The following PLEKHA8 variants were observed in gnomAD, a reference collection of about 807,000 sequenced individuals.
PLEKHA8 encodes pleckstrin homology domain-containing family A member 8.
A neutral mutation model predicts 68.2 loss-of-function variants in PLEKHA8; 36 were observed. The observed-to-expected ratio is 0.53, with a 90% CI of 0.40 to 0.70. The LOEUF (loss-of-function observed/expected upper bound fraction) is 0.70. Among genes scored for constraint, PLEKHA8 ranks in the 30% least tolerant of loss-of-function variants. The pLI, the probability that PLEKHA8 is intolerant of heterozygous loss-of-function variation, is 0.00. For synonymous variants in PLEKHA8, 211 were observed against 216.1 expected (o/e 0.98, Z 0.20); for missense variants, 505 against 615.4 (o/e 0.82, Z 1.90).
intron 13 of PLEKHA8, among the ~76,000 whole-genome samples, chr7:30,115,650 A>G (rs1220282659): frequency 1.3e-5 from 2 of 151,936 alleles, no homozygotes; most frequent in Non-Finnish European, 2.9e-5. Flanking sequence ...GCACACATGT[A>G]CACATACATG....
At chr7:30,058,147 A>G (rs564542486) in intron 9 of PLEKHA8, among the ~76,000 whole-genome samples, 1 of 151,994 alleles carries the variant, frequency 6.6e-6, no homozygotes, top group East Asian at 1.9e-4. Context: ...TTAAAAGTTA[A>G]TTGTTTTTCT....
intron 1 of PLEKHA8, among the ~76,000 whole-genome samples, chr7:30,043,006 T>TTTTGTTTGTTTGTTTGTTTGTTTG (rs139576666): frequency 7.9e-5 from 12 of 151,880 alleles, no homozygotes; most frequent in Non-Finnish European, 1.2e-4. Context: ...GCATCACCTT[T>TTTTGTTTGTTTGTTTGTTTGTTTG]TTTGTTTGTT....
chr7:30,028,695 C>T lies in PLEKHA8; in HGVS notation c.-68C>T, dbSNP rs1390550024. ...CCAGGCGATGGCCCTGCTGCTGGTG[C>T]TCCTCGCCTCTTGGGGCCTGGGGCA... is the stretch of plus-strand genomic sequence containing the variant. On this transcript the variant is annotated 5_prime_UTR_variant, in exon 1 of 14. Coordinates refer to ENST00000449726, the MANE Select transcript of PLEKHA8 (RefSeq NM_001197026.2). The T allele has an allele frequency of 6.0e-6, 7 of 1,159,226 alleles. No homozygotes were observed. The highest frequency in any genetic ancestry group is 1.6e-5 in the African/African-American group (1 of 62,792). The allele number at this position is 1,159,226 out of a possible 1,614,324, so 71.8% of individuals were successfully genotyped here.
intron 13 of PLEKHA8, among the ~76,000 whole-genome samples, chr7:30,119,711 C>T (rs1796664386): frequency 6.6e-6 from 1 of 152,168 alleles, no homozygotes; most frequent in African/African-American, 2.4e-5. Flanking sequence ...AAAACAGCCG[C>T]TTATACCTGT....
intron 12 of PLEKHA8, among the ~76,000 whole-genome samples, chr7:30,067,543 A>G (rs1221366199): frequency 2.6e-5 from 4 of 152,352 alleles, no homozygotes; most frequent in Admixed American, 2.6e-4. Context: ...AAAATAGTTC[A>G]ATACAGTTAA....
In PLEKHA8 at chr7:30,042,772, A is replaced by G. The variant is rs570569011; in HGVS notation, c.41-2313A>G. 1.1e-4 allele frequency among the ~76,000 whole-genome samples: 16 copies of G among 152,316 alleles called. No individual in the cohort carries two copies. In the Middle Eastern group the frequency reaches 0.02, roughly 194 times the overall value. ...CTCTTCCTTTTCTCAGGTTCTCAGA[A>G]ATTGACTCTTCTGTTTCAGTGAGGG... On this transcript the variant is annotated intron_variant, in intron 1 of 13. Coordinates refer to ENST00000449726, the MANE Select transcript of PLEKHA8 (RefSeq NM_001197026.2).
Position 30,028,818 on chromosome 7 carries a change from G to C in PLEKHA8, c.40+16G>C. On this transcript the variant is annotated intron_variant, in intron 1 of 13. Transcript: ENST00000449726. Reference sequence around the variant, plus strand: ...TATCTGAGCGGTGAGTGGCCGTGCCGGGCCGGGGGCGCGCCGGGGGCCGGT... The same window carrying C: ...TATCTGAGCGGTGAGTGGCCGTGCCCGGCCGGGGGCGCGCCGGGGGCCGGT... 7.9e-7 allele frequency: 1 copy of C among 1,262,110 alleles called. No homozygotes were observed. Among genetic ancestry groups the C allele is most frequent in the Non-Finnish European group, 1.0e-6 (1 of 998,134 alleles). 78.2% of individuals were successfully genotyped at this position (1,262,110 alleles called of 1,614,324 possible). A position where few individuals can be genotyped will look rare whatever the true frequency, so the allele number is the denominator to read the frequency against.
At chr7:30,111,626 T>G (rs1796277706) in intron 13 of PLEKHA8, among the ~76,000 whole-genome samples, 1 of 143,158 alleles carries the variant, frequency 7.0e-6, no homozygotes, top group Non-Finnish European at 1.5e-5. Context: ...CCATTAGGAC[T>G]TTTTTTTTTT....
intron 3 of PLEKHA8, among the ~76,000 whole-genome samples, chr7:30,047,081 ATC>A (rs1437204329): frequency 6.6e-6 from 1 of 152,210 alleles, no homozygotes; most frequent in Non-Finnish European, 1.5e-5. Flanking sequence ...TCCAGGGAAC[ATC>A]TCTCATGACA....
At chr7:30,074,190 G>T in intron 13 of PLEKHA8, 58 bp downstream of exon 13, 1 of 1,462,940 alleles carries the variant, frequency 6.8e-7, no homozygotes, top group South Asian at 1.2e-5. Context: ...AGTGGCTAGG[G>T]CTAGAAATCT....
chr7:30,076,995 CACTA>C (rs771629510), intron 13 of PLEKHA8, among the ~76,000 whole-genome samples: 2 of 152,184 alleles, frequency 1.3e-5, no homozygotes, highest in Non-Finnish European at 2.9e-5. Flanking sequence ...CCATCTTGGT[CACTA>C]ACTAGCCTTC....
intron 13 of PLEKHA8, among the ~76,000 whole-genome samples, chr7:30,097,087 T>G (rs867902761): frequency 2.8e-4 from 43 of 152,268 alleles, no homozygotes; most frequent in African/African-American, 7.5e-4. Flanking sequence ...CACTTATGAA[T>G]CTTAGTTTGG....
chr7:30,076,155 C>T (rs931336354), intron 13 of PLEKHA8, among the ~76,000 whole-genome samples: 1 of 150,542 alleles, frequency 6.6e-6, no homozygotes, highest in Non-Finnish European at 1.5e-5. Flanking sequence ...TTTTTTCTAC[C>T]TTTAGCTTGT....
chr7:30,114,140 C>T (rs1297727315), intron 13 of PLEKHA8, among the ~76,000 whole-genome samples: 4 of 152,182 alleles, frequency 2.6e-5, no homozygotes, highest in African/African-American at 9.7e-5. Context: ...CTCATGTTAT[C>T]TGCCCACCTC....
chr7:30,088,499 C>T (rs148775640), downstream of PLEKHA8, among the ~76,000 whole-genome samples: 96 of 152,202 alleles, frequency 6.3e-4, no homozygotes, highest in African/African-American at 2.2e-3. Flanking sequence ...AATTTGCAGC[C>T]CAGAGTGAGA....
intron 12 of PLEKHA8, among the ~76,000 whole-genome samples, chr7:30,073,117 A>G (rs980526126): frequency 9.2e-5 from 14 of 152,244 alleles, no homozygotes; most frequent in Non-Finnish European, 4.4e-5. Flanking sequence ...CTTTTAAAAT[A>G]CATTGGGACA....
chr7:30,075,630 G>A (rs979679075), intron 13 of PLEKHA8, among the ~76,000 whole-genome samples: 1 of 152,130 alleles, frequency 6.6e-6, no homozygotes, highest in Admixed American at 6.5e-5. Context: ...GGCAATGGAT[G>A]CTCACTGTGG....
At chr7:30,113,052 G>C (rs1562555882) in intron 13 of PLEKHA8, among the ~76,000 whole-genome samples, 1 of 152,096 alleles carries the variant, frequency 6.6e-6, no homozygotes, top group Admixed American at 6.5e-5. Flanking sequence ...TCTTCTGATA[G>C]TTTTGTGCCT....
intron 13 of PLEKHA8, among the ~76,000 whole-genome samples, chr7:30,115,044 T>A (rs1436638821): frequency 6.6e-6 from 1 of 152,172 alleles, no homozygotes; most frequent in African/African-American, 2.4e-5. Flanking sequence ...TGCAGTTTTT[T>A]AACTAAGCCC....
Sources: gnomAD v4.1 joint callset for allele counts (sites outside exome capture counted in the v4.1 genomes callset) on GRCh38, gnomAD v4.1.1 for gene constraint, MANE v1.5 for transcripts, NCBI Gene and HGNC (gene_info 2026-07-23, HGNC 2026-07-21) for gene names.